PLXNA4: variants seen among roughly 807,000 people sequenced by gnomAD.
The protein encoded by PLXNA4 is plexin-A4.
In PLXNA4, 44 loss-of-function variants were observed where a neutral mutation model predicts 191.8. The ratio of observed to expected loss-of-function variants is 0.23; its 90% CI spans 0.18 to 0.29. PLXNA4 has a LOEUF of 0.29. Among genes scored for constraint, PLXNA4 ranks in the 10% least tolerant of loss-of-function variants. PLXNA4 has a pLI of 1.00. For missense variants in PLXNA4, 1,800 were observed against 2,488.8 expected (o/e 0.72, Z 5.89); for synonymous variants, 1,082 against 1,009.5 (o/e 1.07, Z -1.36).
chr7:132,242,844 C>T (rs1343344777), intron 4 of PLXNA4, among the ~76,000 whole-genome samples: 1 of 152,164 alleles, frequency 6.6e-6, no homozygotes, highest in Non-Finnish European at 1.5e-5. Context: ...TTACAAATTA[C>T]CCACACTGGC....
At chr7:132,469,014 G>T (rs2117402927) in intron 3 of PLXNA4, among the ~76,000 whole-genome samples, 1 of 150,686 alleles carries the variant, frequency 6.6e-6, no homozygotes, top group Middle Eastern at 3.5e-3. Context: ...TAGTACCAAG[G>T]GCTTCCTCTC....
rs552779507 is a variant in PLXNA4 at position 132,281,404 on chromosome 7, G to A, written c.1503+16687C>T. ...TGTCAATCAGCTCTTGGAACTAATC[G>A]GAGGGTGCTGAATTTTTATATTTTT... On this transcript the variant is annotated intron_variant, in intron 4 of 31. Coordinates refer to ENST00000321063, the MANE Select transcript of PLXNA4 (RefSeq NM_020911.2). 3.9e-5 allele frequency among the ~76,000 whole-genome samples: 6 copies of A among 152,218 alleles called. No individual in the cohort carries two copies. In the East Asian group the frequency reaches 7.7e-4, roughly 20 times the overall value.
Position 132,128,765 on chromosome 7 carries a change from G to A in PLXNA4, c.*1714C>T, listed in dbSNP as rs550370112. 1 of 152,370 alleles carries A rather than the reference G, an allele frequency of 6.6e-6. No individual in the cohort carries two copies. Among genetic ancestry groups the A allele is most frequent in the South Asian group, 2.1e-4 (1 of 4,828 alleles). The allele number at this position is 152,370 out of a possible 1,614,324, so 9.4% of individuals were successfully genotyped here. ...GGGCTCATTCTGAGTGGGTGACAAGGAATGATGTCTGATGTTTGGGGAGTG... is the reference window on the plus strand; with the variant it reads ...GGGCTCATTCTGAGTGGGTGACAAGAAATGATGTCTGATGTTTGGGGAGTG... On this transcript the variant is annotated 3_prime_UTR_variant, in exon 32 of 32. Transcript: ENST00000321063.
At position 132,124,128 on chromosome 7, in the gene PLXNA4, T is replaced by C. The variant is rs1211091248; in HGVS notation, c.*6351A>G. 1 of 152,242 alleles carries C rather than the reference T, an allele frequency of 6.6e-6. No individual in the cohort carries two copies. The highest frequency in any genetic ancestry group is 1.5e-5 in the Non-Finnish European group (1 of 68,042). The allele number at this position is 152,242 out of a possible 1,614,324, so 9.4% of individuals were successfully genotyped here. On this transcript the variant is annotated 3_prime_UTR_variant, in exon 32 of 32. Coordinates refer to ENST00000321063, the MANE Select transcript of PLXNA4 (RefSeq NM_020911.2). The stretch of plus-strand genomic sequence containing the variant: ...AACACACGACTAAGCAAAGACCGTA[T>C]GTCTCAAGGACACCAGGCCAAGGTA...
intron 3 of PLXNA4, among the ~76,000 whole-genome samples, chr7:132,352,172 C>T (rs985108021): frequency 1.3e-5 from 2 of 152,174 alleles, no homozygotes; most frequent in Admixed American, 6.5e-5. Context: ...GGCTGCCATC[C>T]CAGGGGCTGG....
Position 132,125,653 on chromosome 7 carries a change from C to G in PLXNA4, c.*4826G>C, listed in dbSNP as rs557521553. The G allele has an allele frequency of 6.6e-6, 1 of 152,106 alleles. No homozygotes were observed. The highest frequency in any genetic ancestry group is 1.5e-5 in the Non-Finnish European group (1 of 68,044). The allele number at this position is 152,106 out of a possible 1,614,324, so 9.4% of individuals were successfully genotyped here. ...AAGGAAGAGGCTGAGGGTTCAAGGC[C>G]TCCCAGTCACCTGTCCTGAGAGCTG... On this transcript the variant is annotated 3_prime_UTR_variant, in exon 32 of 32. Coordinates refer to ENST00000321063, the MANE Select transcript of PLXNA4 (RefSeq NM_020911.2).
chr7:132,287,564 A>AC (rs200984635), intron 4 of PLXNA4, among the ~76,000 whole-genome samples: 2,110 of 149,618 alleles, frequency 0.014, 46 homozygotes, highest in African/African-American at 0.048. Flanking sequence ...TCTGTTCATG[A>AC]CCCCCCCCGG....
At chr7:132,620,661 G>C (rs1410204643) in intron 2 of PLXNA4, among the ~76,000 whole-genome samples, 1 of 152,056 alleles carries the variant, frequency 6.6e-6, no homozygotes, top group Non-Finnish European at 1.5e-5. Context: ...TTTTTGTCTT[G>C]TTCTCATTAT....
intron 5 of PLXNA4, among the ~76,000 whole-genome samples, chr7:132,232,368 T>C (rs73501737): frequency 0.048 from 7,310 of 152,224 alleles, 595 homozygotes; most frequent in African/African-American, 0.16. Context: ...ACTGTGTGAC[T>C]TGGAGTTTTC....
chr7:132,423,427 G>A (rs1794920598), intron 3 of PLXNA4, among the ~76,000 whole-genome samples: 1 of 152,174 alleles, frequency 6.6e-6, no homozygotes, highest in Non-Finnish European at 1.5e-5. Flanking sequence ...TCACACTGCA[G>A]CAGAGAGAAT....
At chr7:132,146,142 G>A (rs60832001) in intron 28 of PLXNA4, among the ~76,000 whole-genome samples, 5,371 of 148,650 alleles carry the variant, frequency 0.036, 163 homozygotes, top group African/African-American at 0.081. Context: ...ATGGAGCCCC[G>A]ACTTCCCCAA....
At chr7:132,526,326 A>G (rs1412902212) in intron 1 of PLXNA4, among the ~76,000 whole-genome samples, 1 of 152,234 alleles carries the variant, frequency 6.6e-6, no homozygotes, top group Non-Finnish European at 1.5e-5. Flanking sequence ...ATCTCCTGGC[A>G]GATGCCTGCA....
chr7:132,613,839 A>T (rs1161530109), intron 2 of PLXNA4, among the ~76,000 whole-genome samples: 1 of 152,236 alleles, frequency 6.6e-6, no homozygotes. Context: ...GTGTATTTTT[A>T]AATCCAGGAA....
At chr7:132,496,431 C>A (rs780226654) in intron 2 of PLXNA4, among the ~76,000 whole-genome samples, 1 of 152,126 alleles carries the variant, frequency 6.6e-6, no homozygotes, top group Admixed American at 6.5e-5. Context: ...TAGATGGAGT[C>A]CTGCTCTGTT....
At chr7:132,545,913 G>A (rs1370174798) in intron 1 of PLXNA4, among the ~76,000 whole-genome samples, 1 of 152,216 alleles carries the variant, frequency 6.6e-6, no homozygotes, top group Non-Finnish European at 1.5e-5. Context: ...GGATAACTAT[G>A]CACATTCAAG....
At chr7:132,175,657 C>A (rs770363791) in intron 20 of PLXNA4, among the ~76,000 whole-genome samples, 5 of 152,162 alleles carry the variant, frequency 3.3e-5, no homozygotes, top group Non-Finnish European at 5.9e-5. Flanking sequence ...TGCAGTAGAG[C>A]CTCAGGCTGT....
At chr7:132,144,881 G>A (rs1051893837) in intron 29 of PLXNA4, among the ~76,000 whole-genome samples, 1 of 152,220 alleles carries the variant, frequency 6.6e-6, no homozygotes, top group African/African-American at 2.4e-5. Context: ...CTGACTAAGT[G>A]ATAGGAAAGA....
rs1794969956 is a variant in PLXNA4, at chr7:132,132,435, CTGTTCTGTTCTGT to C, written c.5589+601_5589+613del. Among the ~76,000 whole-genome samples, 11 of 76,106 alleles carry C rather than the reference CTGTTCTGTTCTGT, an allele frequency of 1.4e-4. No homozygotes were observed. In the South Asian group the frequency reaches 1.9e-3, roughly 13 times the overall value. 49.9% of individuals were successfully genotyped at this position (76,106 alleles called of 152,430 possible). On this transcript the variant is annotated intron_variant, in intron 31 of 31. Coordinates refer to ENST00000321063, the MANE Select transcript of PLXNA4 (RefSeq NM_020911.2). ...CTGTTCTGTTCTGTTCTGTTCTGTTCTGTTCTGTTCTGTTCTGTTCTGTTCTGTTCTGCTCTGC... is the reference window on the plus strand; with the variant it reads ...CTGTTCTGTTCTGTTCTGTTCTGTTCTCTGTTCTGTTCTGTTCTGCTCTGC...
intron 3 of PLXNA4, among the ~76,000 whole-genome samples, chr7:132,402,229 A>G (rs1794014756): frequency 6.6e-6 from 1 of 152,208 alleles, no homozygotes; most frequent in African/African-American, 2.4e-5. Flanking sequence ...AGCAAATTAA[A>G]AAGAACAAAT....
Sources: gnomAD v4.1 joint callset for allele counts (sites outside exome capture counted in the v4.1 genomes callset) on GRCh38, gnomAD v4.1.1 for gene constraint, MANE v1.5 for transcripts, NCBI Gene and HGNC (gene_info 2026-07-23, HGNC 2026-07-21) for gene names.